MALRD1: variants seen among roughly 807,000 people sequenced by gnomAD.
MALRD1 encodes the protein MAM and LDL-receptor class A domain-containing protein 1.
MALRD1 carries 247 observed loss-of-function variants against 242.1 expected under a neutral mutation model. That is an observed-to-expected ratio of 1.02 (90% CI 0.92 to 1.13). The LOEUF is 1.13. Among genes scored for constraint, MALRD1 ranks in the 50% most tolerant of loss-of-function variants. The pLI, the probability that MALRD1 is intolerant of heterozygous loss-of-function variation, is 0.00. For missense variants in MALRD1, 2,989 were observed against 2,533.1 expected, an observed-to-expected ratio of 1.18 and a Z score of -3.86; for synonymous variants, 995 against 866.6, an observed-to-expected ratio of 1.15 and a Z score of -2.60.
intron 4 of MALRD1, among the ~76,000 whole-genome samples, chr10:19,102,146 A>G (rs1836289880): frequency 6.9e-6 from 1 of 145,392 alleles, no homozygotes; most frequent in Non-Finnish European, 1.5e-5. Context: ...TTATATAACT[A>G]TGTATATGAT....
At chr10:19,457,901 T>C (rs1398867147) in intron 29 of MALRD1, among the ~76,000 whole-genome samples, 1 of 152,022 alleles carries the variant, frequency 6.6e-6, no homozygotes, top group East Asian at 1.9e-4. Context: ...ATCCTTATTG[T>C]TACAGGCTTG....
At chr10:19,436,306 A>G (rs985769235) in intron 28 of MALRD1, among the ~76,000 whole-genome samples, 4 of 152,182 alleles carry the variant, frequency 2.6e-5, no homozygotes, top group Non-Finnish European at 4.4e-5. Context: ...ATCTATAAAT[A>G]TTTGTATATG....
At position 19,252,315 on chromosome 10, in the gene MALRD1, G is replaced by A. The variant is rs184414478; in HGVS notation, c.2992-5369G>A. Among the ~76,000 whole-genome samples, 72 of 152,154 alleles carry A rather than the reference G, an allele frequency of 4.7e-4. 1 individual carries two copies. The East Asian group carries it at 0.011, about 24-fold the overall frequency. On this transcript the variant is annotated intron_variant, in intron 18 of 39. Coordinates refer to ENST00000454679, the MANE Select transcript of MALRD1 (RefSeq NM_001142308.3). Reference sequence around the variant, plus strand: ...CTGTTATGGACTGGGTCCAGCCCAAGGGCCACCATTTAGTCTTCTCTATCG... The same window carrying A: ...CTGTTATGGACTGGGTCCAGCCCAAAGGCCACCATTTAGTCTTCTCTATCG...
At chr10:19,554,956 T>C (rs1835650649) in intron 32 of MALRD1, among the ~76,000 whole-genome samples, 1 of 152,190 alleles carries the variant, frequency 6.6e-6, no homozygotes, top group Non-Finnish European at 1.5e-5. Context: ...TCTGGATCTT[T>C]GAGGAATCGC....
intron 26 of MALRD1, among the ~76,000 whole-genome samples, chr10:19,376,619 G>C (rs906936027): frequency 7.7e-6 from 1 of 130,188 alleles, no homozygotes; most frequent in Non-Finnish European, 1.5e-5. Flanking sequence ...GCAGTGGCAT[G>C]ATCTTGGCTC....
At chr10:19,432,345 T>C (rs994228111) in intron 28 of MALRD1, among the ~76,000 whole-genome samples, 4 of 152,238 alleles carry the variant, frequency 2.6e-5, no homozygotes, top group African/African-American at 9.6e-5. Flanking sequence ...ATGTTTATTT[T>C]ACATTTGTGC....
At chr10:19,635,251 C>A (rs12261359) in intron 36 of MALRD1, among the ~76,000 whole-genome samples, 8,684 of 152,142 alleles carry the variant, frequency 0.057, 293 homozygotes, top group Middle Eastern at 0.095. Flanking sequence ...AGATAGTAAA[C>A]TCTCATGGTA....
intron 35 of MALRD1, among the ~76,000 whole-genome samples, chr10:19,614,336 C>T (rs1380009746): frequency 6.6e-6 from 1 of 151,968 alleles, no homozygotes; most frequent in Non-Finnish European, 1.5e-5. Flanking sequence ...TTCCAGTGCC[C>T]AGCCCAGTGG....
chr10:19,452,922 C>T (rs998332436), intron 29 of MALRD1, among the ~76,000 whole-genome samples: 2 of 152,152 alleles, frequency 1.3e-5, no homozygotes, highest in African/African-American at 4.8e-5. Context: ...CTTCATTTCG[C>T]TTTGCGTCGG....
At chr10:19,504,831 C>T (rs898934907) in intron 31 of MALRD1, among the ~76,000 whole-genome samples, 9 of 150,758 alleles carry the variant, frequency 6.0e-5, no homozygotes, top group East Asian at 2.0e-4. Context: ...TACAGGCGCC[C>T]GCCACCGCGC....
At chr10:19,144,581 G>A (rs1833666043) in intron 10 of MALRD1, among the ~76,000 whole-genome samples, 1 of 152,204 alleles carries the variant, frequency 6.6e-6, no homozygotes, top group African/African-American at 2.4e-5. Flanking sequence ...TATTTGATAT[G>A]CTGGTTAAAT....
At chr10:19,494,589 C>T (rs1239166675) in intron 30 of MALRD1, among the ~76,000 whole-genome samples, 1 of 152,138 alleles carries the variant, frequency 6.6e-6, no homozygotes, top group Non-Finnish European at 1.5e-5. Flanking sequence ...TAACGTAATT[C>T]ACCTAATGGA....
chr10:19,097,496 A>G (rs1836084910), intron 4 of MALRD1, among the ~76,000 whole-genome samples: 1 of 152,214 alleles, frequency 6.6e-6, no homozygotes, highest in Non-Finnish European at 1.5e-5. Flanking sequence ...GACAGAAGCA[A>G]TTAATTTTAC....
At chr10:19,367,505 C>T (rs1588972977) in intron 26 of MALRD1, among the ~76,000 whole-genome samples, 2 of 152,030 alleles carry the variant, frequency 1.3e-5, no homozygotes, top group East Asian at 3.8e-4. Context: ...TTTCTTTATC[C>T]ATTCACTTGT....
chr10:19,465,490 C>T (rs555501100), intron 29 of MALRD1, among the ~76,000 whole-genome samples: 4 of 152,062 alleles, frequency 2.6e-5, no homozygotes, highest in African/African-American at 9.6e-5. Flanking sequence ...TCTTCACATA[C>T]TCTCTGTTGA....
intron 29 of MALRD1, among the ~76,000 whole-genome samples, chr10:19,461,336 A>G (rs1481166348): frequency 6.6e-6 from 1 of 152,178 alleles, no homozygotes; most frequent in South Asian, 2.1e-4. Flanking sequence ...GTTCAGAGAA[A>G]GAAACCAAGT....
At chr10:19,471,782 C>T (rs1836510954) in intron 29 of MALRD1, among the ~76,000 whole-genome samples, 1 of 151,622 alleles carries the variant, frequency 6.6e-6, no homozygotes, top group Non-Finnish European at 1.5e-5. Context: ...CATCCTGCAA[C>T]TTTACAAAAT....
rs952180080 is a variant in MALRD1, at chr10:19,238,283, T to G, written c.2992-19401T>G. The stretch of plus-strand genomic sequence containing the variant: ...TATATATTATATATAATATGTAATA[T>G]ACATAATATATATTATATATAATAT... On this transcript the variant is annotated intron_variant, in intron 18 of 39. Coordinates refer to ENST00000454679, the MANE Select transcript of MALRD1 (RefSeq NM_001142308.3). 3.2e-4 allele frequency among the ~76,000 whole-genome samples: 26 copies of G among 80,274 alleles called. No individual in the cohort carries two copies. The East Asian group carries it at 4.0e-3, about 12-fold the overall frequency. 52.7% of individuals were successfully genotyped at this position (80,274 alleles called of 152,430 possible).
chr10:19,300,546 A>G (rs1419203116), intron 21 of MALRD1, among the ~76,000 whole-genome samples: 2 of 151,954 alleles, frequency 1.3e-5, no homozygotes, highest in Admixed American at 6.6e-5. Context: ...GAACCCAGAA[A>G]TAAAGCTGCA....
Sources: allele counts gnomAD v4.1 joint callset (sites outside exome capture counted in the v4.1 genomes callset), GRCh38; gene constraint gnomAD v4.1.1; transcripts MANE v1.5; gene names NCBI Gene and HGNC (gene_info 2026-07-23, HGNC 2026-07-21).